The following TANGO6 variants were observed in gnomAD, a reference collection of about 807,000 sequenced individuals.
TANGO6 encodes the protein transport and Golgi organization protein 6 homolog.
In TANGO6, 90 loss-of-function variants were observed where a neutral mutation model predicts 114.2. The ratio of observed to expected loss-of-function variants is 0.79; its 90% CI spans 0.66 to 0.94. The LOEUF is 0.94. TANGO6 is among the 40% of genes least tolerant of loss of function. The pLI is 0.00. For missense variants in TANGO6, 1,274 were observed against 1,315.3 expected, an observed-to-expected ratio of 0.97 and a Z score of 0.49; for synonymous variants, 477 against 509.8, an observed-to-expected ratio of 0.94 and a Z score of 0.87.
At chr16:68,967,032 G>A (rs568541284) in intron 14 of TANGO6, among the ~76,000 whole-genome samples, 7 of 152,096 alleles carry the variant, frequency 4.6e-5, no homozygotes, top group Non-Finnish European at 7.4e-5. Context: ...TCAGCCTCCC[G>A]AAGTGCTGGG....
intron 14 of TANGO6, 127 bp from the exon 15 acceptor site, chr16:68,973,901 C>A: frequency 1.8e-6 from 2 of 1,091,060 alleles, no homozygotes; most frequent in Non-Finnish European, 1.3e-6. Context: ...CAATAGGCAG[C>A]CCTTGCTGGG....
At chr16:68,852,635 G>C (rs1359422503) in intron 1 of TANGO6, among the ~76,000 whole-genome samples, 3 of 151,926 alleles carry the variant, frequency 2.0e-5, no homozygotes, top group African/African-American at 7.3e-5. Flanking sequence ...GTCAAGACCA[G>C]CCTGGGCAAC....
intron 7 of TANGO6, among the ~76,000 whole-genome samples, chr16:68,880,856 T>C (rs1962450802): frequency 6.6e-6 from 1 of 152,012 alleles, no homozygotes; most frequent in Non-Finnish European, 1.5e-5. Context: ...TAATTAGCAC[T>C]TGAACCGTTG....
chr16:69,038,330 T>A (rs758446434), intron 16 of TANGO6, among the ~76,000 whole-genome samples: 7 of 151,888 alleles, frequency 4.6e-5, no homozygotes, highest in Non-Finnish European at 8.8e-5. Context: ...CTCAGGAGAC[T>A]GAGGCACCAG....
rs564310046 is a variant in TANGO6, at chr16:68,852,566, T to A, written c.95-7318T>A. 2.4e-3 allele frequency among the ~76,000 whole-genome samples: 363 copies of A among 152,160 alleles called. 2 individuals are homozygous for A. Among genetic ancestry groups the A allele is most frequent in the Non-Finnish European group, 3.8e-3 (257 of 68,014 alleles). ...GCTCGTGGCCAGGTGCAGTAGCTCA[T>A]GCCTGTAATCCCAACACTTTGGGGA... On this transcript the variant is annotated intron_variant, in intron 1 of 17. Transcript: ENST00000261778.
rs1009431312 is a variant in TANGO6, at chr16:68,927,883, A to G, written c.2443A>G (p.Ile815Val). 23 of 1,613,850 alleles carry G rather than the reference A, an allele frequency of 1.4e-5. No homozygotes were observed. The highest frequency in any genetic ancestry group is 8.3e-5 in the Admixed American group (5 of 59,992). ...PQTGLQSNAP[I>V]IPQGVNEPST... ...GACAGGCCTGCAGTCAAATGCTCCA[A>G]TCATTCCTCAAGGAGTCAATGAGCC... Residue 815 changes from isoleucine to valine, a missense_variant, in exon 13 of 18, where the codon ATC becomes GTC. Transcript: ENST00000261778.
chr16:69,005,643 A>T (rs1964085676), intron 15 of TANGO6, among the ~76,000 whole-genome samples: 1 of 152,052 alleles, frequency 6.6e-6, no homozygotes, highest in Non-Finnish European at 1.5e-5. Flanking sequence ...TACTAAAAAT[A>T]CCAAAAATTA....
At chr16:69,040,511 T>C (rs1959756071) in intron 17 of TANGO6, 90 bp downstream of exon 17, 1 of 1,037,432 alleles carries the variant, frequency 9.6e-7, no homozygotes, top group Non-Finnish European at 1.4e-6. Context: ...GCCTCAAACC[T>C]CTTTCCTCGA....
intron 11 of TANGO6, among the ~76,000 whole-genome samples, chr16:68,912,736 C>T (rs1962940560): frequency 6.6e-6 from 1 of 151,728 alleles, no homozygotes; most frequent in African/African-American, 2.4e-5. Context: ...TATCTGCTCC[C>T]TCTGGAAGCC....
At chr16:68,898,946 CTTA>C (rs143073228) in intron 7 of TANGO6, among the ~76,000 whole-genome samples, 2,066 of 144,952 alleles carry the variant, frequency 0.014, 20 homozygotes, top group African/African-American at 0.021. Context: ...AATTATCTGC[CTTA>C]TTATTATTAT....
intron 15 of TANGO6, among the ~76,000 whole-genome samples, chr16:69,021,021 C>A (rs939263948): frequency 6.6e-6 from 1 of 151,324 alleles, no homozygotes; most frequent in African/African-American, 2.4e-5. Context: ...TAGGTTTCTA[C>A]CTTGGACCCT....
At chr16:68,904,537 C>T (rs1962824570) in intron 9 of TANGO6, among the ~76,000 whole-genome samples, 1 of 152,102 alleles carries the variant, frequency 6.6e-6, no homozygotes. Flanking sequence ...AGACATACTG[C>T]CTGATGAGAT....
rs1457540846 is a variant in TANGO6 at position 69,085,168 on chromosome 16, T to TTGA, written c.*1509_*1510insATG. 6.6e-6 allele frequency: 1 copy of TTGA among 152,376 alleles called. No individual in the cohort carries two copies. Among genetic ancestry groups the TTGA allele is most frequent in the Non-Finnish European group, 1.5e-5 (1 of 68,042 alleles). 9.4% of individuals were successfully genotyped at this position (152,376 alleles called of 1,614,324 possible). On this transcript the variant is annotated 3_prime_UTR_variant, in exon 18 of 18. Transcript: ENST00000261778. ...GATGTACAATAAAAATGCTTGTTTC[T>TTGA]TGGCCTTCCTTTAACTAGACTCCAC... is the stretch of plus-strand genomic sequence containing the variant.
chr16:68,925,068 T>G (rs557175367), intron 12 of TANGO6, among the ~76,000 whole-genome samples: 252 of 152,172 alleles, frequency 1.7e-3, no homozygotes, highest in African/African-American at 5.4e-3. Context: ...CCCAGCATTT[T>G]GGGAGGCTGA....
chr16:68,930,493 G>T (rs1189507849), intron 14 of TANGO6, among the ~76,000 whole-genome samples, 198 bp downstream of exon 14: 1 of 152,088 alleles, frequency 6.6e-6, no homozygotes, highest in Non-Finnish European at 1.5e-5. Flanking sequence ...TAGAGTTTCA[G>T]TGTCTCATAA....
At position 68,930,299 on chromosome 16, in the gene TANGO6, A is replaced by G; in HGVS notation, c.2701+4A>G. The stretch of plus-strand genomic sequence containing the variant: ...GTATATCTATCTGCAATTCAGGGTA[A>G]GTCAGTCCTGGTTAAAGGACTTTAA... On this transcript the variant is annotated splice_donor_region_variant and intron_variant, in intron 14 of 17. Transcript: ENST00000261778. 1 of 1,553,232 alleles carries G rather than the reference A, an allele frequency of 6.4e-7. No individual in the cohort carries two copies. The highest frequency in any genetic ancestry group is 8.7e-7 in the Non-Finnish European group (1 of 1,147,224).
At chr16:68,865,028 A>G (rs1243406715) in intron 3 of TANGO6, among the ~76,000 whole-genome samples, 1 of 152,124 alleles carries the variant, frequency 6.6e-6, no homozygotes, top group African/African-American at 2.4e-5. Context: ...CTGTAATCCC[A>G]GCACTTTGGG....
intron 1 of TANGO6, among the ~76,000 whole-genome samples, chr16:68,846,183 C>T (rs1454500601): frequency 3.3e-5 from 5 of 151,734 alleles, no homozygotes; most frequent in African/African-American, 1.2e-4. Context: ...GCGCCACATG[C>T]CCGGCTAATT....
intron 17 of TANGO6, among the ~76,000 whole-genome samples, chr16:69,058,998 C>T (rs570223612): frequency 4.0e-5 from 6 of 151,852 alleles, no homozygotes; most frequent in Non-Finnish European, 5.9e-5. Flanking sequence ...ACCTCTGCCT[C>T]CCAGGTCTAA....
Sources: allele counts gnomAD v4.1 joint callset (sites outside exome capture counted in the v4.1 genomes callset), GRCh38; gene constraint gnomAD v4.1.1; transcripts MANE v1.5; gene names NCBI Gene and HGNC (gene_info 2026-07-23, HGNC 2026-07-21).